The following FTH1 variants were observed in gnomAD, a reference collection of about 807,000 sequenced individuals.
The protein encoded by FTH1 is ferritin heavy chain.
FTH1 carries 3 observed loss-of-function variants against 21.8 expected under a neutral mutation model. The ratio of observed to expected loss-of-function variants is 0.14; its 90% CI spans 0.06 to 0.36. The LOEUF is 0.36. Among genes scored for constraint, FTH1 ranks in the 10% least tolerant of loss-of-function variants. The probability of loss-of-function intolerance (pLI) is 1.00; values close to 1 mark genes in which losing one functional copy is unlikely to be tolerated. For missense variants in FTH1, 147 were observed against 225.8 expected, an observed-to-expected ratio of 0.65 and a Z score of 2.24; for synonymous variants, 83 against 90.1, an observed-to-expected ratio of 0.92 and a Z score of 0.45.
intron 1 of FTH1, among the ~76,000 whole-genome samples, chr11:61,966,719 G>A (rs2134489187): frequency 6.6e-6 from 1 of 152,344 alleles, no homozygotes; most frequent in Middle Eastern, 3.4e-3. Context: ...ACACTTCGGT[G>A]ACTGCAGAAG....
chr11:61,966,701 G>A (rs968550145), intron 1 of FTH1, among the ~76,000 whole-genome samples: 4 of 152,222 alleles, frequency 2.6e-5, no homozygotes, highest in African/African-American at 9.7e-5. Context: ...TAGGCGCAAG[G>A]TCAGGTGACA....
intron 1 of FTH1, among the ~76,000 whole-genome samples, chr11:61,965,761 A>G (rs1187498497): frequency 1.3e-5 from 2 of 152,202 alleles, no homozygotes; most frequent in Non-Finnish European, 1.5e-5. Context: ...AGGAACCTTT[A>G]GGATATTATG....
intron 2 of FTH1, 103 bp from the exon 3 acceptor site, chr11:61,965,215 C>A (rs1942424037): frequency 6.3e-7 from 1 of 1,593,756 alleles, no homozygotes; most frequent in African/African-American, 1.3e-5. Flanking sequence ...TTACTATTTG[C>A]CTAATTTAGT....
intron 1 of FTH1, among the ~76,000 whole-genome samples, chr11:61,965,992 C>A (rs1449247728): frequency 6.6e-6 from 1 of 152,068 alleles, no homozygotes; most frequent in Non-Finnish European, 1.5e-5. Flanking sequence ...ATTAAAAACC[C>A]CTGCTGGGTG....
Position 61,967,342 on chromosome 11 carries a change from C to T in FTH1, c.84G>A (p.Glu28=), listed in dbSNP as rs1214239116. 6.2e-7 allele frequency: 1 copy of T among 1,606,006 alleles called. No individual in the cohort carries two copies. The highest frequency in any genetic ancestry group is 8.5e-7 in the Non-Finnish European group (1 of 1,176,282). ...EAAINRQINL[E]LYASYVYLSM... ...ACAGGTAAACGTAGGAGGCGTAGAGCTCCAGGTTGATCTGGCGGTTGATGG... is the reference window on the plus strand; with the variant it reads ...ACAGGTAAACGTAGGAGGCGTAGAGTTCCAGGTTGATCTGGCGGTTGATGG... The change falls in exon 1 of 4, where the codon GAG becomes GAA. Residue 28 remains glutamate, a synonymous_variant. Transcript: ENST00000273550.
chr11:61,966,393 T>C (rs377397136), intron 1 of FTH1, among the ~76,000 whole-genome samples: 88 of 152,324 alleles, frequency 5.8e-4, no homozygotes, highest in African/African-American at 2.1e-3. Context: ...TTTTAGACAT[T>C]TGATGTAGTC....
chr11:61,967,494 T>TG lies in FTH1; in HGVS notation c.-70dup. ...GGCGCTGGAGCGGCGGCGGGGGCCT[T>TG]GGGGCAGTCCGAGGGTGCGGTGAAG... On this transcript the variant is annotated 5_prime_UTR_variant, in exon 1 of 4. Transcript: ENST00000273550. The TG allele has an allele frequency of 9.2e-7, 1 of 1,087,654 alleles. No individual in the cohort carries two copies. 67.4% of individuals were successfully genotyped at this position (1,087,654 alleles called of 1,614,324 possible).
intron 1 of FTH1, 57 bp from the exon 2 acceptor site, chr11:61,965,572 G>T: frequency 6.3e-7 from 1 of 1,587,440 alleles, no homozygotes. Context: ...AGGTAGCTGT[G>T]ACGATCTACA....
At chr11:61,965,192 G>C in intron 2 of FTH1, 80 bp from the exon 3 acceptor site, 1 of 1,598,548 alleles carries the variant, frequency 6.3e-7, no homozygotes, top group Non-Finnish European at 8.5e-7. Context: ...ACCACGTTTT[G>C]GCAAAAGGGA....
intron 1 of FTH1, chr11:61,967,087 G>C: frequency 2.8e-6 from 1 of 361,342 alleles, no homozygotes; most frequent in Non-Finnish European, 4.9e-6. Flanking sequence ...GTGCAGAGGC[G>C]GCCCTGGCCT....
rs199912260 is a variant in FTH1 at position 61,965,044 on chromosome 11, A to G, written c.330T>C (p.Asn110=). 40 of 1,612,704 alleles carry G rather than the reference A, an allele frequency of 2.5e-5. No homozygotes were observed. The highest frequency in any genetic ancestry group is 1.5e-4 in the Admixed American group (9 of 59,990). ...AMECALHLEK[N]VNQSLLELHK... ...GCAGTTCCAGTAGTGACTGATTCACATTTTTTTCCAAATGTAATGCACACT... is the reference window on the plus strand; with the variant it reads ...GCAGTTCCAGTAGTGACTGATTCACGTTTTTTTCCAAATGTAATGCACACT... The change falls in exon 3 of 4, where the codon AAT becomes AAC. Residue 110 remains asparagine, a synonymous_variant. Coordinates refer to ENST00000273550, the MANE Select transcript of FTH1 (RefSeq NM_002032.3).
chr11:61,965,534 A>G lies in FTH1; in HGVS notation c.115-19T>C. The G allele has an allele frequency of 6.3e-7, 1 of 1,599,712 alleles. No individual in the cohort carries two copies. The highest frequency in any genetic ancestry group is 8.5e-7 in the Non-Finnish European group (1 of 1,179,724). ...AGTAAGACTGAAAGGGGAACACTGA[A>G]TGTGTTATACTAGGGATCCCCAGAG... is the stretch of plus-strand genomic sequence containing the variant. On this transcript the variant is annotated intron_variant, in intron 1 of 3. Coordinates refer to ENST00000273550, the MANE Select transcript of FTH1 (RefSeq NM_002032.3).
rs1167278194 is a variant in FTH1, at chr11:61,964,837, C to G, written c.442G>C (p.Glu148Gln). The G allele has an allele frequency of 1.2e-6, 2 of 1,601,582 alleles. No individual in the cohort carries two copies. The highest frequency in any genetic ancestry group is 3.3e-5 in the Admixed American group (2 of 60,016). The change falls in exon 4 of 4, where the codon GAA (glutamate) becomes CAA (glutamine). Residue 148 changes from glutamate to glutamine, a missense_variant. Glu to Gln is a conservative substitution (Grantham distance 29). Coordinates refer to ENST00000273550, the MANE Select transcript of FTH1 (RefSeq NM_002032.3). ...AAGTTGGTCACGTGGTCACCCAATTCTTTGATGGCTTTCACCTGCTCATTC... is the reference window on the plus strand; with the variant it reads ...AAGTTGGTCACGTGGTCACCCAATTGTTTGATGGCTTTCACCTGCTCATTC... Reference protein sequence around the residue: ...YLNEQVKAIKELGDHVTNLRK... With the variant: ...YLNEQVKAIKQLGDHVTNLRK...
At position 61,964,911 on chromosome 11, in the gene FTH1, A is replaced by G; in HGVS notation, c.388-20T>C. 6.2e-7 allele frequency: 1 copy of G among 1,612,754 alleles called. No homozygotes were observed. On this transcript the variant is annotated intron_variant, in intron 3 of 3. Coordinates refer to ENST00000273550, the MANE Select transcript of FTH1 (RefSeq NM_002032.3). ...ACACAACTGCAAAACAATGGGGAAG[A>G]CAGTTAGTGGGCAGCTTTCCCAATC...
intron 1 of FTH1, 100 bp from the exon 2 acceptor site, chr11:61,965,615 CCT>C (rs1376352015): frequency 3.0e-6 from 4 of 1,338,932 alleles, no homozygotes; most frequent in Non-Finnish European, 4.2e-6. Context: ...GCCTAGGCTT[CCT>C]TTCTCAAAGC....
At position 61,967,168 on chromosome 11, in the gene FTH1, C is replaced by T. The variant is rs1365821410; in HGVS notation, c.114+144G>A. On this transcript the variant is annotated intron_variant, in intron 1 of 3. Coordinates refer to ENST00000273550, the MANE Select transcript of FTH1 (RefSeq NM_002032.3). Reference sequence around the variant, plus strand: ...CGACTTTCTGCGCCAGAGAAGTCCTCGGAAACCTCGAGCAGCCTCCATTTT... The same window carrying T: ...CGACTTTCTGCGCCAGAGAAGTCCTTGGAAACCTCGAGCAGCCTCCATTTT... The T allele has an allele frequency of 1.3e-5, 6 of 463,442 alleles. No homozygotes were observed. In the Admixed American group the frequency reaches 2.3e-4, roughly 18 times the overall value. 28.7% of individuals were successfully genotyped at this position (463,442 alleles called of 1,614,324 possible). A position where few individuals can be genotyped will look rare whatever the true frequency, so the allele number is the denominator to read the frequency against.
chr11:61,965,598 C>G (rs1456075583), intron 1 of FTH1, 83 bp from the exon 2 acceptor site: 1 of 1,483,858 alleles, frequency 6.7e-7, no homozygotes, highest in Non-Finnish European at 9.3e-7. Flanking sequence ...GCAAGATGGT[C>G]TCGTCAGCCT....
Position 61,967,479 on chromosome 11 carries a change from C to G in FTH1, c.-54G>C. The G allele has an allele frequency of 1.6e-6, 2 of 1,275,354 alleles. No homozygotes were observed. Among genetic ancestry groups the G allele is most frequent in the African/African-American group, 1.5e-5 (1 of 67,808 alleles). The allele number at this position is 1,275,354 out of a possible 1,614,324, so 79.0% of individuals were successfully genotyped here. A position where few individuals can be genotyped will look rare whatever the true frequency, so the allele number is the denominator to read the frequency against. ...CGGCGGTGGCTGCGCGGCGCTGGAG[C>G]GGCGGCGGGGGCCTTGGGGCAGTCC... is the stretch of plus-strand genomic sequence containing the variant. On this transcript the variant is annotated 5_prime_UTR_variant, in exon 1 of 4. Transcript: ENST00000273550.
intron 1 of FTH1, 56 bp downstream of exon 1, chr11:61,967,256 C>T: frequency 8.5e-7 from 1 of 1,174,646 alleles, no homozygotes; most frequent in Non-Finnish European, 1.2e-6. Context: ...CGCCCCAGCG[C>T]GCGCCCCGGG....
Sources: allele counts gnomAD v4.1 joint callset (sites outside exome capture counted in the v4.1 genomes callset), GRCh38; gene constraint gnomAD v4.1.1; transcripts MANE v1.5; gene names NCBI Gene and HGNC (gene_info 2026-07-23, HGNC 2026-07-21).